The following ZNF566 variants were observed in gnomAD, a reference collection of about 807,000 sequenced individuals.
ZNF566 encodes zinc finger protein 566.
In ZNF566, 27 loss-of-function variants were observed where a neutral mutation model predicts 32.8. The observed-to-expected ratio is 0.82, with a 90% CI of 0.61 to 1.14. The LOEUF (loss-of-function observed/expected upper bound fraction) is 1.14, where lower values mean the gene tolerates loss of function less well. Among genes scored for constraint, ZNF566 ranks in the 50% most tolerant of loss-of-function variants. ZNF566 has a pLI of 0.00. For missense variants in ZNF566, 402 were observed against 490.4 expected, an observed-to-expected ratio of 0.82 and a Z score of 1.70; for synonymous variants, 154 against 159.5, an observed-to-expected ratio of 0.97 and a Z score of 0.26.
At chr19:36,458,221 A>T (rs545674363) in intron 4 of ZNF566, among the ~76,000 whole-genome samples, 4 of 149,504 alleles carry the variant, frequency 2.7e-5, no homozygotes, top group African/African-American at 9.9e-5. Context: ...AGAAAATGTG[A>T]TGTGTGGGCA....
At chr19:36,485,271 C>CAAAAAAA (rs748231707) in intron 1 of ZNF566, among the ~76,000 whole-genome samples, 1 of 81,946 alleles carries the variant, frequency 1.2e-5, no homozygotes, top group African/African-American at 4.4e-5. Flanking sequence ...GCTATCTCTA[C>CAAAAAAA]AAAAAAAAAA....
chr19:36,487,063 C>G lies in ZNF566; in HGVS notation c.-60+2423G>C, dbSNP rs1323932260. On this transcript the variant is annotated intron_variant, in intron 1 of 4. Coordinates refer to ENST00000452939, the MANE Select transcript of ZNF566 (RefSeq NM_001145344.1). ...CGAGATTGCGCCACTGCACTCCCGC[C>G]TGGGCCACAGAGCGAGACTCCGTCT... Among the ~76,000 whole-genome samples, 41 of 140,898 alleles carry G rather than the reference C, an allele frequency of 2.9e-4. 1 individual carries two copies. Among genetic ancestry groups the G allele is most frequent in the Middle Eastern group, 3.6e-3 (1 of 278 alleles). The allele number at this position is 140,898 out of a possible 152,430, so 92.4% of individuals were successfully genotyped here. A position where few individuals can be genotyped will look rare whatever the true frequency, so the allele number is the denominator to read the frequency against.
At chr19:36,474,272 G>A (rs2033832698) in intron 2 of ZNF566, among the ~76,000 whole-genome samples, 1 of 152,146 alleles carries the variant, frequency 6.6e-6, no homozygotes, top group African/African-American at 2.4e-5. Context: ...ATATCAAAAG[G>A]AACTGATGTG....
intron 1 of ZNF566, among the ~76,000 whole-genome samples, chr19:36,483,564 G>C (rs2034085934): frequency 6.6e-6 from 1 of 151,946 alleles, no homozygotes; most frequent in Non-Finnish European, 1.5e-5. Context: ...AACTTAAGGA[G>C]CTTCTGATGG....
chr19:36,459,211 A>G (rs1235502783), intron 4 of ZNF566, among the ~76,000 whole-genome samples: 2 of 152,220 alleles, frequency 1.3e-5, no homozygotes, highest in Non-Finnish European at 2.9e-5. Context: ...TGGCAATGAT[A>G]TAGAACCCTA....
At chr19:36,455,095 C>T (rs2145643938) in intron 4 of ZNF566, among the ~76,000 whole-genome samples, 1 of 152,296 alleles carries the variant, frequency 6.6e-6, no homozygotes, top group Admixed American at 6.5e-5. Flanking sequence ...CAATGTGATA[C>T]ACCACATCCT....
intron 4 of ZNF566, among the ~76,000 whole-genome samples, chr19:36,461,725 T>A (rs1454570579): frequency 6.6e-6 from 1 of 151,918 alleles, no homozygotes; most frequent in African/African-American, 2.4e-5. Flanking sequence ...ATGGAGATGG[T>A]TCATATTTTG....
intron 1 of ZNF566, among the ~76,000 whole-genome samples, chr19:36,488,272 T>A (rs965365874): frequency 6.6e-6 from 1 of 152,088 alleles, no homozygotes; most frequent in Non-Finnish European, 1.5e-5. Context: ...TGTATGTATT[T>A]ATGGTAGAGT....
At chr19:36,456,380 CAAAAAAAAAAAAA>C (rs59964294) in intron 4 of ZNF566, 1 of 96,532 alleles carries the variant, frequency 1.0e-5, no homozygotes, top group Admixed American at 1.3e-4. Context: ...TACTAAAATA[CAAAAAAAAAAAAA>C]AAAAAAAAAA....
intron 4 of ZNF566, among the ~76,000 whole-genome samples, chr19:36,465,656 G>A (rs1452300355): frequency 6.6e-6 from 1 of 151,806 alleles, no homozygotes; most frequent in African/African-American, 2.4e-5. Flanking sequence ...TGTATTTTTA[G>A]TAGAGACGGG....
chr19:36,475,707 C>G (rs561406764), intron 2 of ZNF566, among the ~76,000 whole-genome samples: 1 of 151,916 alleles, frequency 6.6e-6, no homozygotes, highest in Non-Finnish European at 1.5e-5. Context: ...TGTTTAAAAG[C>G]GGGGGGCGGC....
chr19:36,479,575 G>A (rs766149945), intron 1 of ZNF566, among the ~76,000 whole-genome samples: 4 of 152,266 alleles, frequency 2.6e-5, no homozygotes, highest in South Asian at 2.1e-4. Flanking sequence ...AACAAATGTC[G>A]ACATATACCA....
intron 4 of ZNF566, among the ~76,000 whole-genome samples, chr19:36,461,386 C>G (rs2033457255): frequency 6.6e-6 from 1 of 152,148 alleles, no homozygotes; most frequent in Admixed American, 6.6e-5. Context: ...AATTAAAACT[C>G]TTGGCTGGAC....
chr19:36,477,815 T>C (rs1201791010), intron 1 of ZNF566, among the ~76,000 whole-genome samples: 8 of 152,004 alleles, frequency 5.3e-5, no homozygotes, highest in African/African-American at 1.9e-4. Flanking sequence ...CACCCAGCCT[T>C]GTGTGTATTC....
chr19:36,479,849 GTTGT>G (rs1271089434), intron 1 of ZNF566, among the ~76,000 whole-genome samples: 2 of 152,054 alleles, frequency 1.3e-5, no homozygotes, highest in African/African-American at 4.8e-5. Flanking sequence ...CTTGGTTTTA[GTTGT>G]TTTTTTGTTT....
At chr19:36,486,516 A>T (rs2047454161) in intron 1 of ZNF566, among the ~76,000 whole-genome samples, 1 of 152,084 alleles carries the variant, frequency 6.6e-6, no homozygotes, top group African/African-American at 2.4e-5. Context: ...TACTAAAAAT[A>T]CAAAATTAGC....
intron 1 of ZNF566, among the ~76,000 whole-genome samples, chr19:36,484,587 C>CTTTTTTTT (rs34052223): frequency 1.8e-5 from 2 of 111,918 alleles, no homozygotes; most frequent in Non-Finnish European, 3.5e-5. Flanking sequence ...GGCATAGTTT[C>CTTTTTTTT]TTTTTTTTTT....
At chr19:36,465,136 T>C (rs2033579655) in intron 4 of ZNF566, among the ~76,000 whole-genome samples, 1 of 151,964 alleles carries the variant, frequency 6.6e-6, no homozygotes, top group Admixed American at 6.6e-5. Flanking sequence ...AATAAACATA[T>C]GGAAAGGTAA....
chr19:36,475,389 C>G (rs1417934919), intron 2 of ZNF566, among the ~76,000 whole-genome samples: 1 of 152,080 alleles, frequency 6.6e-6, no homozygotes, highest in Non-Finnish European at 1.5e-5. Context: ...AGCTTTGTAA[C>G]AACCACTAGT....
Sources: gnomAD v4.1 joint callset for allele counts (sites outside exome capture counted in the v4.1 genomes callset) on GRCh38, gnomAD v4.1.1 for gene constraint, MANE v1.5 for transcripts, NCBI Gene and HGNC (gene_info 2026-07-23, HGNC 2026-07-21) for gene names.